Variants in ZNF560 observed in about 807,000 individuals in gnomAD.
The protein encoded by ZNF560 is zinc finger protein 560.
In ZNF560, 54 loss-of-function variants were observed where a neutral mutation model predicts 81.8. That is an observed-to-expected ratio of 0.66 (90% confidence interval 0.53 to 0.83). The LOEUF (loss-of-function observed/expected upper bound fraction) is 0.83, where lower values mean the gene tolerates loss of function less well. Ranked by LOEUF, ZNF560 falls within the 40% of genes least tolerant of loss-of-function variation. ZNF560 has a pLI of 0.00. For synonymous variants in ZNF560, 321 were observed against 317.9 expected (o/e 1.01, Z -0.10); for missense variants, 940 against 932.4 (o/e 1.01, Z -0.11).
At chr19:9,483,126 C>T (rs1292643343) in intron 2 of ZNF560, among the ~76,000 whole-genome samples, 4 of 151,542 alleles carry the variant, frequency 2.6e-5, no homozygotes, top group East Asian at 3.9e-4. Flanking sequence ...GGCCACCCAT[C>T]GTCTGGGATG....
intron 3 of ZNF560, among the ~76,000 whole-genome samples, chr19:9,474,823 A>ATTTTTT (rs35450965): frequency 4.6e-4 from 39 of 85,704 alleles, no homozygotes; most frequent in Non-Finnish European, 7.1e-4. Flanking sequence ...CATGCCTGGC[A>ATTTTTT]TTTTTTTTTT....
intron 2 of ZNF560, among the ~76,000 whole-genome samples, chr19:9,478,955 A>T (rs76731036): frequency 0.1 from 15,679 of 152,202 alleles, 945 homozygotes; most frequent in South Asian, 0.2. Flanking sequence ...ACTTGAGGCC[A>T]GAAGTTCAAG....
chr19:9,469,122 A>G lies in ZNF560; in HGVS notation c.595T>C (p.Leu199=), dbSNP rs776161065. ...AATCTTACCAACTGTATCCCATTTAATGTTTTTAAACAAAAATTATCTTGC... is the reference window on the plus strand; with the variant it reads ...AATCTTACCAACTGTATCCCATTTAGTGTTTTTAAACAAAAATTATCTTGC... ...LWQDNFCLKT[L]NGIQLARNQN... Residue 199 remains leucine, a synonymous_variant, in exon 9 of 10, where the codon TTA becomes CTA. Coordinates refer to ENST00000301480, the MANE Select transcript of ZNF560 (RefSeq NM_152476.3). 3 of 1,593,206 alleles carry G rather than the reference A, an allele frequency of 1.9e-6. No homozygotes were observed. The highest frequency in any genetic ancestry group is 2.6e-6 in the Non-Finnish European group (3 of 1,171,446).
At chr19:9,448,912 CCAA>C in the ZNF560 span, among the ~76,000 whole-genome samples, 2 of 152,072 alleles carry the variant, frequency 1.3e-5, no homozygotes, top group African/African-American at 4.8e-5. Context: ...AGACTTTAAA[CCAA>C]CAACAGGAAA....
intron 2 of ZNF560, among the ~76,000 whole-genome samples, chr19:9,490,038 G>C (rs2073446901): frequency 6.6e-6 from 1 of 152,182 alleles, no homozygotes. Context: ...TCATGACCTA[G>C]TTAACAGAGT....
At chr19:9,494,932 CA>C (rs1484990359) in intron 2 of ZNF560, among the ~76,000 whole-genome samples, 3 of 151,648 alleles carry the variant, frequency 2.0e-5, no homozygotes, top group Middle Eastern at 3.2e-3. Context: ...ACAAAACAAA[CA>C]AACAAACAAA....
At chr19:9,460,823 T>C in the ZNF560 span, among the ~76,000 whole-genome samples, 6 of 152,312 alleles carry the variant, frequency 3.9e-5, no homozygotes, top group Admixed American at 6.5e-5. Context: ...TTTGGGAAGA[T>C]TGCATTGCAG....
In ZNF560 at chr19:9,473,210, CTCT is replaced by C. The variant is rs760348271; in HGVS notation, c.204_206del (p.Glu69del). ...GAACTCCTTGCTGCAAGGTTCTCAACTCTTCTTCTTCCAACCAAGAGATGACAC... is the reference window on the plus strand; with the variant it reads ...GAACTCCTTGCTGCAAGGTTCTCAACTCTTCTTCCAACCAAGAGATGACAC... On this transcript the variant is annotated inframe_deletion, in exon 5 of 10. Coordinates refer to ENST00000301480, the MANE Select transcript of ZNF560 (RefSeq NM_152476.3). 6.8e-6 allele frequency: 11 copies of C among 1,613,534 alleles called. No individual in the cohort carries two copies. Among genetic ancestry groups the C allele is most frequent in the East Asian group, 4.5e-5 (2 of 44,866 alleles).
At chr19:9,481,258 T>C (rs1293034219) in intron 2 of ZNF560, among the ~76,000 whole-genome samples, 1 of 152,164 alleles carries the variant, frequency 6.6e-6, no homozygotes, top group Non-Finnish European at 1.5e-5. Context: ...CTATACCTTA[T>C]ACAAAAATTA....
At chr19:9,457,694 C>T in the ZNF560 span, among the ~76,000 whole-genome samples, 3 of 152,082 alleles carry the variant, frequency 2.0e-5, no homozygotes, top group Admixed American at 6.6e-5. Flanking sequence ...TAAATGTCAC[C>T]ACAATAATGC....
At chr19:9,493,950 T>C (rs576683347) in intron 2 of ZNF560, among the ~76,000 whole-genome samples, 34 of 151,692 alleles carry the variant, frequency 2.2e-4, no homozygotes, top group African/African-American at 8.0e-4. Context: ...CTGGCCAACA[T>C]GGTGAAACAC....
intron 2 of ZNF560, among the ~76,000 whole-genome samples, chr19:9,484,970 C>G (rs1403768532): frequency 3.9e-5 from 6 of 151,902 alleles, no homozygotes; most frequent in African/African-American, 1.5e-4. Flanking sequence ...AAATTACATG[C>G]CAACAAACTG....
chr19:9,484,001 G>T (rs201873399), intron 2 of ZNF560, among the ~76,000 whole-genome samples: 1 of 152,042 alleles, frequency 6.6e-6, no homozygotes, highest in Non-Finnish European at 1.5e-5. Context: ...CCCCCAACCC[G>T]GTGCTCTCTG....
At chr19:9,480,394 A>G (rs1472083332) in intron 2 of ZNF560, among the ~76,000 whole-genome samples, 1 of 80,390 alleles carries the variant, frequency 1.2e-5, no homozygotes, top group East Asian at 2.6e-4. Context: ...CTGAACAAGC[A>G]AAGGATTTAA....
chr19:9,460,024 TAACAA>T, the ZNF560 span, among the ~76,000 whole-genome samples: 1 of 152,114 alleles, frequency 6.6e-6, no homozygotes, highest in African/African-American at 2.4e-5. Flanking sequence ...AAAGACCCGA[TAACAA>T]AAGGTTGTGA....
intron 2 of ZNF560, among the ~76,000 whole-genome samples, chr19:9,483,354 C>T (rs1284163460): frequency 6.7e-6 from 1 of 148,454 alleles, no homozygotes; most frequent in Non-Finnish European, 1.5e-5. Context: ...GCCCAGCCGC[C>T]CCGTCTGAGA....
At chr19:9,469,517 C>A in intron 8 of ZNF560, 113 bp downstream of exon 8, 3 of 925,612 alleles carry the variant, frequency 3.2e-6, no homozygotes, top group Non-Finnish European at 3.5e-6. Context: ...CCCAAAACAT[C>A]CAAGTCCAGT....
In ZNF560 at chr19:9,467,027, G is replaced by A. The variant is rs1295630876; in HGVS notation, c.1920C>T (p.Ser640=). 6 of 1,613,128 alleles carry A rather than the reference G, an allele frequency of 3.7e-6. No homozygotes were observed. The Admixed American group carries it at 6.7e-5, about 18-fold the overall frequency. ...TTCTTAAATGATCAACTAGACTGGA[G>A]GAGACAACAAAGGCTTTCCCACAGT... ...YKDCGKAFVV[S]SSLVDHLRTH... is the part of the protein sequence containing the mutation. The change falls in exon 10 of 10, where the codon TCC becomes TCT. Residue 640 remains serine (S), a synonymous_variant. Transcript: ENST00000301480.
intron 2 of ZNF560, among the ~76,000 whole-genome samples, chr19:9,483,614 G>A (rs558155458): frequency 1.5e-4 from 22 of 145,790 alleles, no homozygotes; most frequent in South Asian, 6.6e-4. Context: ...CAGCCGCCCC[G>A]TCTGGGAGGG....
Sources: gnomAD v4.1 joint callset for allele counts (sites outside exome capture counted in the v4.1 genomes callset) on GRCh38, gnomAD v4.1.1 for gene constraint, MANE v1.5 for transcripts, NCBI Gene and HGNC (gene_info 2026-07-23, HGNC 2026-07-21) for gene names.